The following DMD variants were observed in gnomAD, a reference collection of about 807,000 sequenced individuals.
DMD encodes the protein mutant dystrophin.
DMD carries 63 observed loss-of-function variants against 330.1 expected under a neutral mutation model. That is an observed-to-expected ratio of 0.19 (90% CI 0.16 to 0.24). DMD has a LOEUF of 0.24. Among genes scored for constraint, DMD ranks in the 10% least tolerant of loss-of-function variants. The probability of loss-of-function intolerance (pLI) is 1.00; values close to 1 mark genes in which losing one functional copy is unlikely to be tolerated. For missense variants in DMD, 3,344 were observed against 2,684.1 expected, an observed-to-expected ratio of 1.25 and a Z score of -5.43; for synonymous variants, 1,223 against 959.8, an observed-to-expected ratio of 1.27 and a Z score of -5.07.
At chrX:32,127,885 T>C (rs1473274434) in intron 44 of DMD, among the ~76,000 whole-genome samples, 2 of 112,263 alleles carry the variant, frequency 1.8e-5, no homozygotes, top group African/African-American at 6.5e-5. Flanking sequence ...AATTATATGC[T>C]ATCATAGTAA....
intron 9 of DMD, among the ~76,000 whole-genome samples, chrX:32,652,138 T>A (rs771277590): frequency 1.1e-3 from 124 of 111,183 alleles, no homozygotes; most frequent in Non-Finnish European, 1.8e-3. Context: ...CCAAAAACAT[T>A]AATCTTTTTT....
rs180851079 is a variant in DMD, at chrX:31,431,264, A to T, written c.9084+13217T>A. On this transcript the variant is annotated intron_variant, in intron 60 of 78. Coordinates refer to ENST00000357033, the MANE Select transcript of DMD (RefSeq NM_004006.3). ...AAGACTAAATCAAACTGAGATAATA[A>T]AGAAATATAAGCTATAATTCAGAGG... Among the ~76,000 whole-genome samples the T allele has an allele frequency of 3.5e-3, 391 of 112,001 alleles. 1 individual carries two copies. The highest frequency in any genetic ancestry group is 0.012 in the African/African-American group (374 of 30,864).
At chrX:33,176,444 A>G (rs1364795435) in intron 1 of DMD, among the ~76,000 whole-genome samples, 3 of 109,351 alleles carry the variant, frequency 2.7e-5, no homozygotes, top group Non-Finnish European at 5.7e-5. Flanking sequence ...AACCAGGTAT[A>G]CGTATAATTA....
intron 34 of DMD, among the ~76,000 whole-genome samples, chrX:32,366,934 T>C (rs907776506): frequency 8.9e-5 from 10 of 112,388 alleles, no homozygotes; most frequent in African/African-American, 3.2e-4. Context: ...ACAGCTATCA[T>C]GCATGGGGTT....
chrX:32,827,134 A>T (rs2148873291), intron 4 of DMD, among the ~76,000 whole-genome samples: 1 of 103,576 alleles, frequency 9.7e-6, no homozygotes, highest in Admixed American at 1.1e-4. Flanking sequence ...TTTTTCCAAT[A>T]AAATTTATCT....
intron 48 of DMD, among the ~76,000 whole-genome samples, chrX:31,845,076 G>GTA (rs34182846): frequency 0.33 from 34,684 of 105,836 alleles, 5,061 homozygotes; most frequent in African/African-American, 0.51. Flanking sequence ...GTATATGTGT[G>GTA]TATATATATG....
chrX:33,280,408 G>C (rs770778184), intron 1 of DMD, among the ~76,000 whole-genome samples: 1 of 112,263 alleles, frequency 8.9e-6, no homozygotes, highest in East Asian at 2.8e-4. Context: ...TTTAACGTTA[G>C]ATCCCAAATA....
At chrX:31,196,492 G>C (rs1280054778) in intron 67 of DMD, among the ~76,000 whole-genome samples, 2 of 110,819 alleles carry the variant, frequency 1.8e-5, no homozygotes, top group Non-Finnish European at 3.8e-5. Context: ...AGTGAAGGAG[G>C]GTTTTTAGGA....
At chrX:31,208,465 G>A (rs2044308611) in intron 65 of DMD, among the ~76,000 whole-genome samples, 1 of 111,631 alleles carries the variant, frequency 9.0e-6, no homozygotes, top group Non-Finnish European at 1.9e-5. Context: ...ATATTTGAGG[G>A]GAAACCTGAA....
intron 55 of DMD, among the ~76,000 whole-genome samples, chrX:31,556,534 A>G (rs2074844840): frequency 9.2e-6 from 1 of 109,285 alleles, no homozygotes; most frequent in South Asian, 4.0e-4. Flanking sequence ...AAAAAAAAAA[A>G]ATCTTGAAAT....
intron 2 of DMD, among the ~76,000 whole-genome samples, chrX:32,901,553 T>C (rs996237461): frequency 4.5e-5 from 5 of 111,170 alleles, no homozygotes; most frequent in East Asian, 2.8e-4. Flanking sequence ...TACCTAACTT[T>C]GAAAAAATAT....
chrX:33,317,879 G>C (rs2053955540), intron 1 of DMD, among the ~76,000 whole-genome samples: 1 of 111,339 alleles, frequency 9.0e-6, no homozygotes, highest in Admixed American at 9.6e-5. Flanking sequence ...TTACAGTCTA[G>C]TCCATTATTA....
chrX:33,267,916 G>T (rs1365093625), intron 1 of DMD, among the ~76,000 whole-genome samples: 1 of 110,857 alleles, frequency 9.0e-6, no homozygotes, highest in Non-Finnish European at 1.9e-5. Context: ...GTGGATTAAA[G>T]ATATTAATGT....
chrX:31,522,388 GCT>G (rs1316746238), intron 55 of DMD, among the ~76,000 whole-genome samples: 13 of 33,697 alleles, frequency 3.9e-4, no homozygotes, highest in African/African-American at 1.8e-3. Flanking sequence ...TATATATATA[GCT>G]GCACAGGAAG....
At chrX:32,471,139 C>T (rs1318297644) in intron 22 of DMD, among the ~76,000 whole-genome samples, 4 of 110,326 alleles carry the variant, frequency 3.6e-5, no homozygotes, top group African/African-American at 1.3e-4. Context: ...ATTAGCCAGG[C>T]GTGATGGCAC....
intron 16 of DMD, among the ~76,000 whole-genome samples, chrX:32,549,504 G>A (rs1337386930): frequency 9.0e-6 from 1 of 111,434 alleles, no homozygotes; most frequent in Non-Finnish European, 1.9e-5. Flanking sequence ...CTGGTTTTGA[G>A]AATTAAATGA....
chrX:32,512,245 G>A (rs1294583838), intron 18 of DMD, among the ~76,000 whole-genome samples: 1 of 111,638 alleles, frequency 9.0e-6, no homozygotes, highest in Non-Finnish European at 1.9e-5. Flanking sequence ...TCCTCTTTCT[G>A]TATCTTCTCT....
At chrX:32,690,353 G>T (rs1327627548) in intron 9 of DMD, among the ~76,000 whole-genome samples, 1 of 111,295 alleles carries the variant, frequency 9.0e-6, no homozygotes, top group Non-Finnish European at 1.9e-5. Flanking sequence ...AGAAATTAAA[G>T]ATGACAAAAT....
At chrX:33,330,342 T>G (rs945868459) in intron 1 of DMD, among the ~76,000 whole-genome samples, 1 of 111,787 alleles carries the variant, frequency 8.9e-6, no homozygotes, top group East Asian at 2.8e-4. Context: ...CACAATTTCT[T>G]ATTGTTACAG....
Sources: gnomAD v4.1 joint callset for allele counts (sites outside exome capture counted in the v4.1 genomes callset) on GRCh38, gnomAD v4.1.1 for gene constraint, MANE v1.5 for transcripts, NCBI Gene and HGNC (gene_info 2026-07-23, HGNC 2026-07-21) for gene names.